SPAG16: variants seen among roughly 807,000 people sequenced by gnomAD.
The protein encoded by SPAG16 is sperm-associated antigen 16 protein.
In SPAG16, 86 loss-of-function variants were observed where a neutral mutation model predicts 80.4. That is an observed-to-expected ratio of 1.07 (90% confidence interval 0.90 to 1.28). SPAG16 has a LOEUF of 1.28. SPAG16 is among the 50% of genes most tolerant of loss of function. SPAG16 has a pLI of 0.00. For synonymous variants in SPAG16, 294 were observed against 265.9 expected (o/e 1.11, Z -1.03); for missense variants, 870 against 765.3 (o/e 1.14, Z -1.61).
At chr2:213,738,974 A>G (rs1027602498) in intron 10 of SPAG16, among the ~76,000 whole-genome samples, 2 of 152,224 alleles carry the variant, frequency 1.3e-5, no homozygotes, top group African/African-American at 4.8e-5. Context: ...ATATGCATAT[A>G]GGATAAACAG....
chr2:213,718,149 C>CAAAAAAAAAAAAAAAAAAAAAAA (rs71063769), intron 10 of SPAG16, among the ~76,000 whole-genome samples: 1 of 92,250 alleles, frequency 1.1e-5, no homozygotes, highest in African/African-American at 4.7e-5. Flanking sequence ...AACAAGTTTA[C>CAAAAAAAAAAAAAAAAAAAAAAA]AAAAAAAAAA....
chr2:213,635,831 T>A (rs1001494555), intron 10 of SPAG16, among the ~76,000 whole-genome samples: 5 of 152,244 alleles, frequency 3.3e-5, no homozygotes, highest in African/African-American at 1.2e-4. Flanking sequence ...TTTGAGTTCC[T>A]TGTAGATTCT....
At chr2:214,155,063 T>A (rs2056152222) in intron 15 of SPAG16, among the ~76,000 whole-genome samples, 1 of 152,126 alleles carries the variant, frequency 6.6e-6, no homozygotes, top group Non-Finnish European at 1.5e-5. Flanking sequence ...TTCCCAGAGT[T>A]GAAGAGCCAG....
chr2:214,060,490 A>G (rs745497156), intron 13 of SPAG16, among the ~76,000 whole-genome samples: 3 of 152,208 alleles, frequency 2.0e-5, no homozygotes, highest in Non-Finnish European at 4.4e-5. Flanking sequence ...AGCAAAATAA[A>G]AATCGAAAGA....
intron 15 of SPAG16, among the ~76,000 whole-genome samples, chr2:214,389,985 C>A (rs539707502): frequency 7.9e-5 from 12 of 152,264 alleles, no homozygotes; most frequent in Admixed American, 1.3e-4. Flanking sequence ...GGAGCCCAAG[C>A]TCAGGAATGG....
intron 12 of SPAG16, among the ~76,000 whole-genome samples, chr2:213,997,699 T>G (rs58519182): frequency 0.16 from 24,737 of 152,260 alleles, 3,119 homozygotes; most frequent in African/African-American, 0.36. Flanking sequence ...AGAAGAATTG[T>G]CTTGGGCCAC....
intron 12 of SPAG16, among the ~76,000 whole-genome samples, chr2:214,000,183 C>A (rs1384813826): frequency 6.6e-6 from 1 of 152,138 alleles, no homozygotes; most frequent in Non-Finnish European, 1.5e-5. Context: ...TTGAATTGTA[C>A]TCCCATAATT....
At chr2:213,941,000 C>A (rs1425397177) in intron 12 of SPAG16, among the ~76,000 whole-genome samples, 1 of 152,120 alleles carries the variant, frequency 6.6e-6, no homozygotes, top group Non-Finnish European at 1.5e-5. Flanking sequence ...AGGAACCAAT[C>A]CCTAAATTGA....
chr2:213,708,632 G>A (rs2065854862), intron 10 of SPAG16, among the ~76,000 whole-genome samples: 1 of 152,072 alleles, frequency 6.6e-6, no homozygotes, highest in Non-Finnish European at 1.5e-5. Flanking sequence ...ACTAAAAATA[G>A]TATTTGAAAT....
At chr2:213,379,814 A>G (rs2067074078) in intron 9 of SPAG16, among the ~76,000 whole-genome samples, 1 of 152,174 alleles carries the variant, frequency 6.6e-6, no homozygotes, top group Non-Finnish European at 1.5e-5. Context: ...GTGGAAGTCC[A>G]TGTTCCTGGG....
intron 10 of SPAG16, among the ~76,000 whole-genome samples, chr2:213,546,954 G>C (rs1447972480): frequency 6.6e-6 from 1 of 152,150 alleles, no homozygotes; most frequent in Non-Finnish European, 1.5e-5. Flanking sequence ...GTATAATGCA[G>C]TTATATTCCT....
intron 10 of SPAG16, among the ~76,000 whole-genome samples, chr2:213,641,444 C>A (rs2062585203): frequency 6.6e-6 from 1 of 152,194 alleles, no homozygotes; most frequent in Admixed American, 6.5e-5. Flanking sequence ...CATTTGCTCC[C>A]CAGACTCTGC....
At chr2:214,177,971 G>GTGTGTATATGTATATA (rs1397087073) in intron 15 of SPAG16, among the ~76,000 whole-genome samples, 2 of 59,362 alleles carry the variant, frequency 3.4e-5, no homozygotes, top group African/African-American at 1.2e-4. Flanking sequence ...CAAAGTGTAT[G>GTGTGTATATGTATATA]TATATATATA....
At chr2:213,476,276 G>A (rs2073380840) in intron 9 of SPAG16, among the ~76,000 whole-genome samples, 1 of 152,234 alleles carries the variant, frequency 6.6e-6, no homozygotes, top group African/African-American at 2.4e-5. Flanking sequence ...GTCGGGAATT[G>A]GAGCCAATCC....
rs61752198 is a variant in SPAG16 at position 213,296,093 on chromosome 2, G to A, written c.166G>A (p.Asp56Asn). 26,540 of 1,607,500 alleles carry A rather than the reference G, an allele frequency of 0.017. 341 individuals are homozygous for A. The highest frequency in any genetic ancestry group is 0.041 in the South Asian group (3,674 of 90,548). ...CACCATAACTGAAGCATCTGAAGAT[G>A]ACTATGAATATGAAGAGGTAACATG... Reference protein sequence around the residue: ...QVTITEASEDDYEYEEIPDDN... With the variant: ...QVTITEASEDNYEYEEIPDDN... The change falls in exon 2 of 16, where the codon GAC becomes AAC. Residue 56 changes from aspartate to asparagine, a missense_variant. By Grantham distance (23) the Asp-to-Asn change is conservative (BLOSUM62 1). Coordinates refer to ENST00000331683, the MANE Select transcript of SPAG16 (RefSeq NM_024532.5).
chr2:213,677,319 TG>T, intron 10 of SPAG16, among the ~76,000 whole-genome samples: 1 of 152,216 alleles, frequency 6.6e-6, no homozygotes, highest in Admixed American at 6.5e-5. Context: ...AGACACAGAC[TG>T]GTAAATTGGA....
chr2:213,593,746 C>CTTTTTTT lies in SPAG16; in HGVS notation c.1070+103696_1070+103702dup, dbSNP rs541949006. ...TCATACCCCATCATCCCCACCACATCTTTTTTTTTTTTTTTTTTTTTTTTT... is the reference window on the plus strand; with the variant it reads ...TCATACCCCATCATCCCCACCACATCTTTTTTTTTTTTTTTTTTTTTTTTTTTTTTTT... On this transcript the variant is annotated intron_variant, in intron 10 of 15. Coordinates refer to ENST00000331683, the MANE Select transcript of SPAG16 (RefSeq NM_024532.5). Among the ~76,000 whole-genome samples, 3 of 50,190 alleles carry CTTTTTTT rather than the reference C, an allele frequency of 6.0e-5. 1 individual carries two copies. Among genetic ancestry groups the CTTTTTTT allele is most frequent in the Non-Finnish European group, 1.5e-4 (3 of 19,822 alleles). The allele number at this position is 50,190 out of a possible 152,430, so 32.9% of individuals were successfully genotyped here.
At position 213,593,899 on chromosome 2, in the gene SPAG16, A is replaced by C. The variant is rs533529802; in HGVS notation, c.1070+103809A>C. Among the ~76,000 whole-genome samples the C allele has an allele frequency of 1.6e-3, 235 of 150,044 alleles. 3 individuals are homozygous for C. Among genetic ancestry groups the C allele is most frequent in the African/African-American group, 4.7e-3 (191 of 40,914 alleles). On this transcript the variant is annotated intron_variant, in intron 10 of 15. Transcript: ENST00000331683. The stretch of plus-strand genomic sequence containing the variant: ...CCGCTATTCTCCTGCCTCAGCCTCC[A>C]GAGTAGCTGGGAGTACAGGCGCCCA...
intron 9 of SPAG16, among the ~76,000 whole-genome samples, chr2:213,421,347 C>T (rs2069574106): frequency 6.6e-6 from 1 of 152,246 alleles, no homozygotes; most frequent in African/African-American, 2.4e-5. Flanking sequence ...TGGCCCCCTC[C>T]AGACATTGGG....
Sources: gnomAD v4.1 joint callset for allele counts (sites outside exome capture counted in the v4.1 genomes callset) on GRCh38, gnomAD v4.1.1 for gene constraint, MANE v1.5 for transcripts, NCBI Gene and HGNC (gene_info 2026-07-23, HGNC 2026-07-21) for gene names.